The following CCDC7 variants were observed in gnomAD, a reference collection of about 807,000 sequenced individuals.
CCDC7 encodes coiled-coil domain-containing protein 7.
Under a neutral mutation model 196.9 loss-of-function variants are expected in CCDC7, and 183 were observed. That is an observed-to-expected ratio of 0.93 (90% CI 0.82 to 1.05). The LOEUF (loss-of-function observed/expected upper bound fraction) is 1.05, where lower values mean the gene tolerates loss of function less well. CCDC7 is among the 50% of genes least tolerant of loss of function. The pLI is 0.00. For synonymous variants in CCDC7, 525 were observed against 484.6 expected (o/e 1.08, Z -1.10); for missense variants, 1,540 against 1,482.2 (o/e 1.04, Z -0.64).
intron 31 of CCDC7, among the ~76,000 whole-genome samples, chr10:32,818,414 C>A (rs2089325935): frequency 6.6e-6 from 1 of 151,864 alleles, no homozygotes; most frequent in Non-Finnish European, 1.5e-5. Flanking sequence ...CCACTGTCAA[C>A]ATTAGACAGA....
At chr10:32,702,189 G>C (rs568209528) in intron 24 of CCDC7, among the ~76,000 whole-genome samples, 72 of 152,146 alleles carry the variant, frequency 4.7e-4, no homozygotes, top group African/African-American at 1.7e-3. Flanking sequence ...ACACTGCTTT[G>C]AATGTGTCCC....
exon 8 of CCDC7, chr10:32,474,020 C>T: frequency 1.2e-6 from 2 of 1,611,140 alleles, no homozygotes; most frequent in South Asian, 2.2e-5. Flanking sequence ...TGCAACAGAA[C>T]CACGTAAGTT....
At chr10:32,805,151 G>C (rs980221196) in intron 30 of CCDC7, 53 bp downstream of exon 31, 8 of 1,291,164 alleles carry the variant, frequency 6.2e-6, no homozygotes, top group Admixed American at 1.7e-5. Flanking sequence ...CTCCTTCAAA[G>C]TTTAAGTGTG....
chr10:32,642,712 G>A (rs1413012858), intron 20 of CCDC7, among the ~76,000 whole-genome samples: 1 of 152,186 alleles, frequency 6.6e-6, no homozygotes, highest in African/African-American at 2.4e-5. Context: ...CAGTACCTCG[G>A]TTGGAAATGC....
At chr10:32,500,237 C>A (rs2043711044) in intron 9 of CCDC7, among the ~76,000 whole-genome samples, 1 of 150,398 alleles carries the variant, frequency 6.6e-6, no homozygotes, top group South Asian at 2.1e-4. Flanking sequence ...GGGCTGCCCC[C>A]CGACCTCCTG....
At chr10:32,682,812 C>T (rs1399734721) in intron 21 of CCDC7, among the ~76,000 whole-genome samples, 1 of 152,116 alleles carries the variant, frequency 6.6e-6, no homozygotes, top group Non-Finnish European at 1.5e-5. Flanking sequence ...AGTGTCTGTT[C>T]ATGTTCTTTG....
chr10:32,713,344 A>AT (rs1369842360), intron 25 of CCDC7, among the ~76,000 whole-genome samples: 1 of 152,102 alleles, frequency 6.6e-6, no homozygotes, highest in South Asian at 2.1e-4. Flanking sequence ...AAGAAATGTC[A>AT]TTTTTTCCCA....
At chr10:32,683,895 G>T (rs981731797) in intron 21 of CCDC7, among the ~76,000 whole-genome samples, 7 of 152,188 alleles carry the variant, frequency 4.6e-5, no homozygotes, top group Non-Finnish European at 7.3e-5. Context: ...AAGCAGTGTG[G>T]CTGTTTTTCT....
intron 28 of CCDC7, among the ~76,000 whole-genome samples, chr10:32,743,470 G>A (rs1413565742): frequency 6.6e-6 from 1 of 152,120 alleles, no homozygotes; most frequent in Non-Finnish European, 1.5e-5. Context: ...TAGACATGAA[G>A]TCCTTGCCCA....
intron 5 of CCDC7, among the ~76,000 whole-genome samples, chr10:32,468,114 T>G (rs1158512566): frequency 6.6e-6 from 1 of 152,190 alleles, no homozygotes; most frequent in Non-Finnish European, 1.5e-5. Flanking sequence ...TTTTTCTAGG[T>G]CTGTGAAGAA....
chr10:32,741,795 A>C, intron 28 of CCDC7, among the ~76,000 whole-genome samples: 1 of 152,034 alleles, frequency 6.6e-6, no homozygotes. Flanking sequence ...GTGAGTGTGA[A>C]TTTCTCTATT....
chr10:32,472,556 A>G lies in CCDC7; in HGVS notation c.739+14A>G. On this transcript the variant is annotated intron_variant, in intron 7 of 41. Transcript: ENST00000639629. ...AGAAAATTGAAGGTGATAATATTTT[A>G]TATATGTTTATCCTTAAAAATTTTA... 8 of 1,537,318 alleles carry G rather than the reference A, an allele frequency of 5.2e-6. No individual in the cohort carries two copies. Among genetic ancestry groups the G allele is most frequent in the Non-Finnish European group, 7.0e-6 (8 of 1,143,214 alleles).
In CCDC7 at chr10:32,575,492, C is replaced by G. The variant is rs189442512; in HGVS notation, c.1454+3599C>G. ...TTAGATTAAGCAAAGCTGGATTCAC[C>G]ATAGAAGATGCTCCTGAGAGGAACC... On this transcript the variant is annotated intron_variant, in intron 16 of 41. Transcript: ENST00000639629. Among the ~76,000 whole-genome samples, 6 of 152,230 alleles carry G rather than the reference C, an allele frequency of 3.9e-5. No homozygotes were observed. The East Asian group carries it at 9.7e-4, about 24-fold the overall frequency.
At chr10:32,558,707 A>C (rs530699435) in intron 13 of CCDC7, among the ~76,000 whole-genome samples, 1 of 152,220 alleles carries the variant, frequency 6.6e-6, no homozygotes, top group Admixed American at 6.5e-5. Flanking sequence ...CCGAATAGGA[A>C]CAGCTCCGGT....
At chr10:32,716,646 G>T (rs1293574751) in intron 25 of CCDC7, among the ~76,000 whole-genome samples, 1 of 152,184 alleles carries the variant, frequency 6.6e-6, no homozygotes, top group African/African-American at 2.4e-5. Context: ...CTGTATTCAG[G>T]AGATCCAATT....
intron 8 of CCDC7, among the ~76,000 whole-genome samples, chr10:32,484,987 TG>T (rs1363117880): frequency 6.6e-6 from 1 of 152,248 alleles, no homozygotes; most frequent in Non-Finnish European, 1.5e-5. Flanking sequence ...TGCCAGGCTT[TG>T]GTATCAGGAT....
chr10:32,450,795 G>A (rs947074087), upstream of CCDC7, among the ~76,000 whole-genome samples: 1 of 152,102 alleles, frequency 6.6e-6, no homozygotes, highest in Admixed American at 6.6e-5. Context: ...AAATATGGGG[G>A]AAAGATAGGA....
In CCDC7 at chr10:32,876,328, A is replaced by G. The variant is rs1462575502; in HGVS notation, c.4112-19A>G. On this transcript the variant is annotated intron_variant, in intron 41 of 41. Coordinates refer to ENST00000639629, the Ensembl canonical transcript of CCDC7. The stretch of plus-strand genomic sequence containing the variant: ...AAAATTAAACTTTTTTTCAATTAAC[A>G]CATAACTTTTCTTTAAAGTGTTACA... The G allele has an allele frequency of 6.2e-7, 1 of 1,600,422 alleles. No homozygotes were observed. The highest frequency in any genetic ancestry group is 1.1e-5 in the South Asian group (1 of 89,580).
chr10:32,712,590 C>A (rs138105864), intron 25 of CCDC7, among the ~76,000 whole-genome samples: 1 of 152,310 alleles, frequency 6.6e-6, no homozygotes, highest in East Asian at 1.9e-4. Flanking sequence ...AGGTCATAAC[C>A]TATGCATTGA....
Sources: allele counts gnomAD v4.1 joint callset (sites outside exome capture counted in the v4.1 genomes callset), GRCh38; gene constraint gnomAD v4.1.1; transcripts MANE v1.5; gene names NCBI Gene and HGNC (gene_info 2026-07-23, HGNC 2026-07-21).